SLC28A2: variants seen among roughly 807,000 people sequenced by gnomAD.
SLC28A2 encodes the protein solute carrier family 28 member 2, also known as sodium/nucleoside cotransporter 2.
In SLC28A2, 69 loss-of-function variants were observed where a neutral mutation model predicts 72.9. That is an observed-to-expected ratio of 0.95 (90% confidence interval 0.78 to 1.16). The LOEUF (loss-of-function observed/expected upper bound fraction) is 1.16. Ranked by LOEUF, SLC28A2 falls within the 50% of genes most tolerant of loss-of-function variation. The pLI, the probability that SLC28A2 is intolerant of heterozygous loss-of-function variation, is 0.00. For missense variants in SLC28A2, 745 were observed against 791.1 expected, an observed-to-expected ratio of 0.94 and a Z score of 0.70; for synonymous variants, 296 against 294.1, an observed-to-expected ratio of 1.01 and a Z score of -0.07.
rs1322117071 is a variant in SLC28A2 at position 45,270,274 on chromosome 15, T to C, written c.1646T>C (p.Leu549Ser). Reference sequence around the variant, plus strand: ...TCCATAGGAATCACACTTGGAGGCTTGAGTGAGTTCATCCATTTTCCCAGC... The same window carrying C: ...TCCATAGGAATCACACTTGGAGGCTCGAGTGAGTTCATCCATTTTCCCAGC... ...LSSIGITLGG[L>S]TSIVPHRKSD... The change falls in exon 15 of 18, where the codon TTG (leucine) becomes TCG (serine). Residue 549 changes from leucine (L) to serine (S), a missense_variant and splice_region_variant. Coordinates refer to ENST00000347644, the MANE Select transcript of SLC28A2 (RefSeq NM_004212.4). 2 of 1,606,940 alleles carry C rather than the reference T, an allele frequency of 1.2e-6. No homozygotes were observed. The highest frequency in any genetic ancestry group is 4.5e-5 in the East Asian group (2 of 44,846).
chr15:45,253,453 G>A lies in SLC28A2; in HGVS notation c.103G>A (p.Gly35Arg). ...ELMEKEVEPE[G>R]SKRTDAQGHS... ...GTAGGAAAAAGAAGTAGAGCCTGAG[G>A]GAAGCAAGAGGACTGACGCACAAGG... The change falls in exon 3 of 18, where the codon GGA (glycine) becomes AGA (arginine). Residue 35 changes from glycine (G) to arginine (R), a missense_variant. Coordinates refer to ENST00000347644, the MANE Select transcript of SLC28A2 (RefSeq NM_004212.4). 1 of 1,613,890 alleles carries A rather than the reference G, an allele frequency of 6.2e-7. No homozygotes were observed. Among genetic ancestry groups the A allele is most frequent in the Non-Finnish European group, 8.5e-7 (1 of 1,179,772 alleles).
intron 3 of SLC28A2, among the ~76,000 whole-genome samples, chr15:45,254,905 T>C (rs1347080772): frequency 6.6e-6 from 1 of 152,208 alleles, no homozygotes; most frequent in African/African-American, 2.4e-5. Flanking sequence ...CCGTTAATCA[T>C]GTGAGTCACA....
At position 45,265,613 on chromosome 15, in the gene SLC28A2, G is replaced by C. The variant is rs528223412; in HGVS notation, c.811G>C (p.Val271Leu). ...ACCAATCATCATTTTCTTTGGATGT[G>C]TGGTGTCCATTCTCTACTACCTGGG... ...ALPIIIFFGC[V>L]VSILYYLGLV... is the part of the protein sequence containing the mutation. The change falls in exon 9 of 18, where the codon GTG becomes CTG. Residue 271 changes from valine (V) to leucine (L), a missense_variant. By Grantham distance (32) the Val-to-Leu change is conservative (BLOSUM62 1). Coordinates refer to ENST00000347644, the MANE Select transcript of SLC28A2 (RefSeq NM_004212.4). 6.2e-7 allele frequency: 1 copy of C among 1,613,654 alleles called. No individual in the cohort carries two copies. Among genetic ancestry groups the C allele is most frequent in the South Asian group, 1.1e-5 (1 of 91,078 alleles).
chr15:45,262,426 G>T (rs187514533), intron 4 of SLC28A2, among the ~76,000 whole-genome samples: 2 of 152,138 alleles, frequency 1.3e-5, no homozygotes, highest in Non-Finnish European at 2.9e-5. Context: ...GATGACAGAA[G>T]CCTGTATTAT....
chr15:45,268,323 A>G lies in SLC28A2; in HGVS notation c.1313A>G (p.Asn438Ser), dbSNP rs765482503. The G allele has an allele frequency of 3.7e-6, 6 of 1,610,062 alleles. No individual in the cohort carries two copies. Among genetic ancestry groups the G allele is most frequent in the African/African-American group, 1.3e-5 (1 of 74,854 alleles). Residue 438 changes from asparagine to serine, a missense_variant, in exon 13 of 18, where the codon AAT becomes AGT. Transcript: ENST00000347644. Reference sequence around the variant, plus strand: ...TTTTTGGCTGTGTTGGCCTTCATCAATGCTGCCCTCTCCTGGCTGGGGGAA... The same window carrying G: ...TTTTTGGCTGTGTTGGCCTTCATCAGTGCTGCCCTCTCCTGGCTGGGGGAA... ...IAFLAVLAFI[N>S]AALSWLGELV...
chr15:45,267,796 G>A lies in SLC28A2; in HGVS notation c.1199G>A (p.Gly400Glu), dbSNP rs779526476. The part of the protein sequence containing the change: ...KSEEGVKLPR[G>E]KERNVLEAAS... ...GAGGAGGGGGTAAAGCTGCCCCGTG[G>A]GTGAGTCCAAGGAGGCATATACTTT... Residue 400 changes from glycine (G) to glutamate (E), a missense_variant and splice_region_variant, in exon 12 of 18, where the codon GGG becomes GAG. By Grantham distance (98) the Gly-to-Glu change is moderately conservative. Transcript: ENST00000347644. 3 of 1,613,880 alleles carry A rather than the reference G, an allele frequency of 1.9e-6. No individual in the cohort carries two copies. In the African/African-American group the frequency reaches 4.0e-5, roughly 22 times the overall value.
chr15:45,271,577 AAAGGAAGGAAGGAAGGAAGG>A (rs145309707), intron 15 of SLC28A2, among the ~76,000 whole-genome samples: 4 of 130,278 alleles, frequency 3.1e-5, no homozygotes, highest in Non-Finnish European at 6.3e-5. Context: ...AAAAAGAAGA[AAAGGAAGGAAGGAAGGAAGG>A]AAGGAAGGAA....
At chr15:45,258,619 C>T (rs1244387443) in intron 3 of SLC28A2, among the ~76,000 whole-genome samples, 1 of 152,096 alleles carries the variant, frequency 6.6e-6, no homozygotes, top group Non-Finnish European at 1.5e-5. Flanking sequence ...TATACTTTTG[C>T]TTCTTTTGCT....
intron 1 of SLC28A2, among the ~76,000 whole-genome samples, chr15:45,252,770 T>C (rs1899831248): frequency 6.6e-6 from 1 of 152,196 alleles, no homozygotes; most frequent in African/African-American, 2.4e-5. Flanking sequence ...GTCCGGGTCT[T>C]CCCAACTGCC....
In SLC28A2 at chr15:45,253,523, A is replaced by G. The variant is rs1239176407; in HGVS notation, c.170+3A>G. ...CTGGGCCCTTCCACTTACCAGAGGTACTGGTGTTTTGGAATCTTGTTCAGT... is the reference window on the plus strand; with the variant it reads ...CTGGGCCCTTCCACTTACCAGAGGTGCTGGTGTTTTGGAATCTTGTTCAGT... On this transcript the variant is annotated splice_donor_region_variant and intron_variant, in intron 3 of 17. Coordinates refer to ENST00000347644, the MANE Select transcript of SLC28A2 (RefSeq NM_004212.4). 8 of 1,604,046 alleles carry G rather than the reference A, an allele frequency of 5.0e-6. No individual in the cohort carries two copies. The highest frequency in any genetic ancestry group is 3.4e-4 in the Middle Eastern group (2 of 5,814).
Position 45,272,761 on chromosome 15 carries a change from GT to G in SLC28A2, c.1837del (p.Cys613AlafsTer11). 6.2e-7 allele frequency: 1 copy of G among 1,606,534 alleles called. No individual in the cohort carries two copies. Among genetic ancestry groups the G allele is most frequent in the Non-Finnish European group, 8.5e-7 (1 of 1,173,118 alleles). The stretch of plus-strand genomic sequence containing the variant: ...CCAATAGAACCTATGAGACCTACAT[GT>G]GCTGCAGAGGGCTCTTTCAGAGGTG... ...FTNRTYETYMCCRGLFQSTSL... is the reference protein window; with the variant it reads ...FTNRTYETYMXCRGLFQSTSL... On this transcript the variant is annotated frameshift_variant, in exon 17 of 18. Transcript: ENST00000347644. LOFTEE classifies it high-confidence loss of function.
intron 10 of SLC28A2, among the ~76,000 whole-genome samples, chr15:45,266,930 A>G (rs1271024631): frequency 6.6e-6 from 1 of 152,224 alleles, no homozygotes; most frequent in African/African-American, 2.4e-5. Context: ...AATAGATACC[A>G]TTATCTTAGG....
intron 3 of SLC28A2, among the ~76,000 whole-genome samples, chr15:45,261,630 T>A (rs996442140): frequency 8.5e-5 from 13 of 152,228 alleles, no homozygotes; most frequent in African/African-American, 3.1e-4. Flanking sequence ...TTTGTTTGGT[T>A]TTTAGGGAGG....
At chr15:45,269,181 AAAC>A (rs1900455588) in intron 13 of SLC28A2, among the ~76,000 whole-genome samples, 154 bp from the exon 14 acceptor site, 1 of 152,086 alleles carries the variant, frequency 6.6e-6, no homozygotes, top group South Asian at 2.1e-4. Context: ...AATAAAAAAA[AAAC>A]AACCATGCAT....
chr15:45,274,747 CTTTT>C (rs775797373), intron 17 of SLC28A2, among the ~76,000 whole-genome samples: 1 of 119,930 alleles, frequency 8.3e-6, no homozygotes. Flanking sequence ...TTTGATTCTT[CTTTT>C]TTTTTTTTTT....
At chr15:45,253,149 A>G (rs937186631) in intron 1 of SLC28A2, 51 bp from the exon 2 acceptor site, 1 of 1,284,698 alleles carries the variant, frequency 7.8e-7, no homozygotes, top group Non-Finnish European at 1.1e-6. Flanking sequence ...CCCCATCCCC[A>G]CAGAACAGAA....
intron 6 of SLC28A2, 109 bp downstream of exon 6, chr15:45,264,131 A>C (rs1208651663): frequency 9.7e-7 from 1 of 1,035,086 alleles, no homozygotes; most frequent in Non-Finnish European, 1.3e-6. Flanking sequence ...GAACTAGTTC[A>C]TAACAACCCC....
At chr15:45,252,380 G>A in intron 1 of SLC28A2, 102 bp downstream of exon 1, 1 of 445,956 alleles carries the variant, frequency 2.2e-6, no homozygotes, top group Non-Finnish European at 4.5e-6. Context: ...AGTCAGGAAG[G>A]CCCTAATTTA....
intron 3 of SLC28A2, among the ~76,000 whole-genome samples, chr15:45,261,522 TTC>T (rs1437261593): frequency 1.3e-5 from 2 of 152,224 alleles, no homozygotes; most frequent in African/African-American, 4.8e-5. Context: ...GCTGGGCCTC[TTC>T]TCTCAGGCCT....
Sources: allele counts gnomAD v4.1 joint callset (sites outside exome capture counted in the v4.1 genomes callset), GRCh38; gene constraint gnomAD v4.1.1; transcripts MANE v1.5; gene names NCBI Gene and HGNC (gene_info 2026-07-23, HGNC 2026-07-21).